NCKAP5: variants seen among roughly 807,000 people sequenced by gnomAD.
NCKAP5 encodes nck-associated protein 5.
Under a neutral mutation model 167.0 loss-of-function variants are expected in NCKAP5, and 92 were observed. The observed-to-expected ratio is 0.55, with a 90% confidence interval of 0.47 to 0.66. The LOEUF is 0.66. Among genes scored for constraint, NCKAP5 ranks in the 30% least tolerant of loss-of-function variants. NCKAP5 has a pLI of 0.00. For missense variants in NCKAP5, 2,378 were observed against 2,315.0 expected, an observed-to-expected ratio of 1.03 and a Z score of -0.56; for synonymous variants, 891 against 877.4, an observed-to-expected ratio of 1.02 and a Z score of -0.27.
At chr2:133,463,827 T>C (rs6430423) in intron 3 of NCKAP5, among the ~76,000 whole-genome samples, 33,210 of 152,226 alleles carry the variant, frequency 0.22, 4,007 homozygotes, top group East Asian at 0.41. Flanking sequence ...TATGATGGTG[T>C]CTAAATGCTT....
chr2:132,869,191 TG>T (rs1690599725), intron 9 of NCKAP5, among the ~76,000 whole-genome samples: 1 of 152,190 alleles, frequency 6.6e-6, no homozygotes, highest in South Asian at 2.1e-4. Flanking sequence ...CTAATTAAGA[TG>T]GTTACACTTA....
intron 7 of NCKAP5, among the ~76,000 whole-genome samples, chr2:132,993,223 A>G (rs2077496455): frequency 1.3e-5 from 2 of 152,188 alleles, no homozygotes; most frequent in South Asian, 2.1e-4. Context: ...CTTTTCATAC[A>G]TAGTTGTGCA....
In NCKAP5 at chr2:132,732,058, TAGAG is replaced by T. The variant is rs1691070112; in HGVS notation, c.5129-11_5129-8del. ...CTCATCTGGCAGTTGGATTCTGAGA[TAGAG>T]AGACAGAGAGAGAAGGGAATAGAGA... On this transcript the variant is annotated splice_polypyrimidine_tract_variant and splice_region_variant and intron_variant, in intron 16 of 19. Coordinates refer to ENST00000409261, the MANE Select transcript of NCKAP5 (RefSeq NM_207363.3). 1 of 1,603,526 alleles carries T rather than the reference TAGAG, an allele frequency of 6.2e-7. No individual in the cohort carries two copies. Among genetic ancestry groups the T allele is most frequent in the Non-Finnish European group, 8.5e-7 (1 of 1,173,440 alleles).
At chr2:133,270,621 C>T (rs1467419319) in intron 4 of NCKAP5, among the ~76,000 whole-genome samples, 1 of 152,198 alleles carries the variant, frequency 6.6e-6, no homozygotes, top group Non-Finnish European at 1.5e-5. Flanking sequence ...GAGGCTGCTC[C>T]CTTTACAAAC....
At chr2:133,607,890 T>G in the NCKAP5 span, among the ~76,000 whole-genome samples, 1 of 152,230 alleles carries the variant, frequency 6.6e-6, no homozygotes, top group South Asian at 2.1e-4. Context: ...CTCATTTTAA[T>G]GACTGCATCA....
At chr2:133,317,862 T>G (rs1559378974) in intron 3 of NCKAP5, among the ~76,000 whole-genome samples, 1 of 152,154 alleles carries the variant, frequency 6.6e-6, no homozygotes, top group Non-Finnish European at 1.5e-5. Flanking sequence ...GATCTTTACA[T>G]CTGACCATGA....
At chr2:132,876,036 G>A (rs1691238507) in intron 9 of NCKAP5, among the ~76,000 whole-genome samples, 2 of 152,078 alleles carry the variant, frequency 1.3e-5, no homozygotes, top group Admixed American at 1.3e-4. Context: ...TCCTCAATAT[G>A]TTCCTCATTT....
At chr2:133,346,778 C>T (rs1210803840) in intron 3 of NCKAP5, among the ~76,000 whole-genome samples, 1 of 152,244 alleles carries the variant, frequency 6.6e-6, no homozygotes, top group Non-Finnish European at 1.5e-5. Context: ...AGGAGGGCCA[C>T]TTGCCAGTAG....
chr2:132,731,985 T>A lies in NCKAP5; in HGVS notation c.5195A>T (p.Asn1732Ile). The A allele has an allele frequency of 6.2e-7, 1 of 1,613,864 alleles. No individual in the cohort carries two copies. The highest frequency in any genetic ancestry group is 8.5e-7 in the Non-Finnish European group (1 of 1,179,854). The change falls in exon 17 of 20, where the codon AAT becomes ATT. Residue 1732 changes from asparagine (N) to isoleucine (I), a missense_variant. Around this residue, in one of 3 missense-constraint regions of NCKAP5, gnomAD observed 1,325 missense variants for 1,274.5 expected, o/e 1.04. Transcript: ENST00000409261. ...GCATAGGTAGCGTCCTGTCGAGCGA[T>A]TTCCCGAGTCTGGGAGTGGAAAGGT... ...IGTFPLPDSGNRSTGRYLCQP... is the reference protein window; with the variant it reads ...IGTFPLPDSGIRSTGRYLCQP...
intron 3 of NCKAP5, among the ~76,000 whole-genome samples, chr2:133,364,534 C>T (rs951930510): frequency 1.3e-5 from 2 of 152,124 alleles, no homozygotes; most frequent in South Asian, 2.1e-4. Context: ...TAGTTTCCTT[C>T]ATTCGCTAAC....
intron 19 of NCKAP5, among the ~76,000 whole-genome samples, chr2:132,713,792 G>A (rs181687856): frequency 6.6e-6 from 1 of 152,134 alleles, no homozygotes; most frequent in Non-Finnish European, 1.5e-5. Flanking sequence ...GCTTGTGGGG[G>A]GTTCATAAAT....
intron 3 of NCKAP5, among the ~76,000 whole-genome samples, chr2:133,397,149 A>T (rs975545213): frequency 6.6e-6 from 1 of 152,146 alleles, no homozygotes; most frequent in African/African-American, 2.4e-5. Flanking sequence ...CTGTAAGATA[A>T]TTCATAAAAA....
intron 4 of NCKAP5, among the ~76,000 whole-genome samples, chr2:133,256,624 A>G (rs146302270): frequency 6.6e-6 from 1 of 152,342 alleles, no homozygotes; most frequent in East Asian, 1.9e-4. Flanking sequence ...TCAGTGTATT[A>G]TAACCACCTA....
At chr2:132,807,102 G>A (rs1018811732) in intron 11 of NCKAP5, among the ~76,000 whole-genome samples, 1 of 152,092 alleles carries the variant, frequency 6.6e-6, no homozygotes, top group Non-Finnish European at 1.5e-5. Context: ...TCTCTGTTCT[G>A]TTCCTTTGGT....
chr2:133,667,317 C>T, the NCKAP5 span, among the ~76,000 whole-genome samples: 1 of 152,110 alleles, frequency 6.6e-6, no homozygotes, highest in African/African-American at 2.4e-5. Context: ...TAAACATCAA[C>T]CAGCCTCTCT....
chr2:133,128,027 C>T (rs544890445), intron 6 of NCKAP5, among the ~76,000 whole-genome samples: 29 of 152,314 alleles, frequency 1.9e-4, no homozygotes, highest in East Asian at 7.7e-4. Flanking sequence ...TGAACTCCTA[C>T]ACCAAAGTTG....
chr2:132,992,576 C>T (rs1055214125), intron 7 of NCKAP5, among the ~76,000 whole-genome samples: 4 of 152,170 alleles, frequency 2.6e-5, no homozygotes, highest in African/African-American at 4.8e-5. Flanking sequence ...CAGGCTGCAT[C>T]GAACCATTCA....
At chr2:133,480,442 C>T (rs1553651000) in intron 3 of NCKAP5, among the ~76,000 whole-genome samples, 1 of 152,184 alleles carries the variant, frequency 6.6e-6, no homozygotes, top group Non-Finnish European at 1.5e-5. Flanking sequence ...CAGCACCCTT[C>T]CTGTTTTTCC....
chr2:133,556,257 A>G (rs1575153875), intron 2 of NCKAP5, among the ~76,000 whole-genome samples: 1 of 152,236 alleles, frequency 6.6e-6, no homozygotes, highest in East Asian at 1.9e-4. Flanking sequence ...TGTATTTTAT[A>G]CTTCAATAAA....
Sources: allele counts gnomAD v4.1 joint callset (sites outside exome capture counted in the v4.1 genomes callset), GRCh38; gene constraint gnomAD v4.1.1; regional missense constraint gnomAD v4.1.1; transcripts MANE v1.5; gene names NCBI Gene and HGNC (gene_info 2026-07-23, HGNC 2026-07-21).